Variants in CDC7 observed in about 807,000 individuals in gnomAD.
The protein encoded by CDC7 is cell division cycle 7-related protein kinase.
Under a neutral mutation model 53.5 loss-of-function variants are expected in CDC7, and 34 were observed. That is an observed-to-expected ratio of 0.64 (90% CI 0.48 to 0.85). The LOEUF (loss-of-function observed/expected upper bound fraction) is 0.85. CDC7 is among the 40% of genes least tolerant of loss of function. The probability of loss-of-function intolerance (pLI) is 0.00; values close to 1 mark genes in which losing one functional copy is unlikely to be tolerated. For synonymous variants in CDC7, 211 were observed against 222.8 expected (o/e 0.95, Z 0.47); for missense variants, 594 against 679.7 (o/e 0.87, Z 1.40).
chr1:91,501,965 CAG>C (rs13447463), intron 2 of CDC7, 134 bp downstream of exon 2: 273 of 685,322 alleles, frequency 4.0e-4, no homozygotes, highest in African/African-American at 3.7e-3. Context: ...AGTGTTAAAA[CAG>C]AGCTTCGTAT....
chr1:91,521,167 C>A (rs1667925168), intron 11 of CDC7, among the ~76,000 whole-genome samples: 1 of 152,150 alleles, frequency 6.6e-6, no homozygotes, highest in African/African-American at 2.4e-5. Flanking sequence ...TGGGTCTTAA[C>A]CAGAGTTGCA....
intron 10 of CDC7, among the ~76,000 whole-genome samples, chr1:91,517,275 T>A (rs1667610203): frequency 1.3e-5 from 2 of 151,914 alleles, no homozygotes. Flanking sequence ...TTTTGGAGAG[T>A]GGTGGCATGA....
At chr1:91,516,245 A>T (rs1423946952) in intron 10 of CDC7, among the ~76,000 whole-genome samples, 2 of 152,110 alleles carry the variant, frequency 1.3e-5, no homozygotes, top group African/African-American at 4.8e-5. Flanking sequence ...CAAAGACTTA[A>T]AGCATTTTAT....
chr1:91,517,214 C>G (rs528691403), intron 10 of CDC7, among the ~76,000 whole-genome samples: 1 of 152,246 alleles, frequency 6.6e-6, no homozygotes, highest in South Asian at 2.1e-4. Context: ...AAAAAAGTGA[C>G]AATGGTATAT....
intron 4 of CDC7, among the ~76,000 whole-genome samples, chr1:91,510,285 ATTTT>A (rs889414493): frequency 1.3e-5 from 2 of 149,842 alleles, no homozygotes; most frequent in African/African-American, 4.9e-5. Context: ...AGATTCTCCT[ATTTT>A]TTTTTATTGT....
intron 10 of CDC7, among the ~76,000 whole-genome samples, chr1:91,519,695 A>G (rs1377783165): frequency 6.6e-6 from 1 of 152,234 alleles, no homozygotes; most frequent in Non-Finnish European, 1.5e-5. Flanking sequence ...AGAGCTTCTA[A>G]TGTTCATTAC....
chr1:91,520,913 G>A lies in CDC7; in HGVS notation c.1330+634G>A, dbSNP rs1009413396. Among the ~76,000 whole-genome samples the A allele has an allele frequency of 2.5e-4, 38 of 152,318 alleles. 1 individual carries two copies. Among genetic ancestry groups the A allele is most frequent in the African/African-American group, 8.4e-4 (35 of 41,578 alleles). On this transcript the variant is annotated intron_variant, in intron 11 of 11. Transcript: ENST00000234626. ...TTAGCCACGCAAGTTCTTCAAGACT[G>A]GGATGTGCAGTGTACTTCATAGGGC...
chr1:91,514,912 A>C lies in CDC7; in HGVS notation c.1012A>C (p.Met338Leu). 1 of 1,613,848 alleles carries C rather than the reference A, an allele frequency of 6.2e-7. No homozygotes were observed. Among genetic ancestry groups the C allele is most frequent in the Non-Finnish European group, 8.5e-7 (1 of 1,179,782 alleles). ...TACAAAAGTTATGAATAGTGCTGTG[A>C]TGAGGAAAACTGCCAGTTCTTGCCC... ...ISTKVMNSAV[M>L]RKTASSCPAS... Residue 338 changes from methionine to leucine, a missense_variant, in exon 9 of 12, where the codon ATG becomes CTG. Met to Leu is a conservative substitution (Grantham distance 15, BLOSUM62 2). Coordinates refer to ENST00000234626, the MANE Select transcript of CDC7 (RefSeq NM_003503.4).
intron 6 of CDC7, among the ~76,000 whole-genome samples, chr1:91,512,383 C>A (rs1265773759): frequency 7.2e-6 from 1 of 138,074 alleles, no homozygotes; most frequent in African/African-American, 2.7e-5. Flanking sequence ...GTGGAAATAG[C>A]ATGAACTAAC....
rs938939531 is a variant in CDC7, at chr1:91,508,401, G to A, written c.335+4G>A. 2 of 1,604,550 alleles carry A rather than the reference G, an allele frequency of 1.2e-6. No individual in the cohort carries two copies. Among genetic ancestry groups the A allele is most frequent in the African/African-American group, 1.3e-5 (1 of 74,500 alleles). Reference sequence around the variant, plus strand: ...TTCAGTGCCTAACAGTGGCTGGGTAGGCAATTTAAACATATTTTAATTGAA... The same window carrying A: ...TTCAGTGCCTAACAGTGGCTGGGTAAGCAATTTAAACATATTTTAATTGAA... On this transcript the variant is annotated splice_donor_region_variant and intron_variant, in intron 4 of 11. Coordinates refer to ENST00000234626, the MANE Select transcript of CDC7 (RefSeq NM_003503.4).
chr1:91,507,545 A>C (rs1667055412), intron 2 of CDC7, among the ~76,000 whole-genome samples: 1 of 152,144 alleles, frequency 6.6e-6, no homozygotes. Flanking sequence ...CAAATTGTTT[A>C]GTTATTTTAA....
rs757039130 is a variant in CDC7, at chr1:91,520,126, GC to G, written c.1181-3del. ...TTATTTTTAAAATTTGTCTTCTGTT[GC>G]AGCAATTGACATGTGGTCTGCAGGT... On this transcript the variant is annotated splice_region_variant and splice_polypyrimidine_tract_variant and intron_variant, in intron 10 of 11. Coordinates refer to ENST00000234626, the MANE Select transcript of CDC7 (RefSeq NM_003503.4). 3 of 1,549,066 alleles carry G rather than the reference GC, an allele frequency of 1.9e-6. No homozygotes were observed. Among genetic ancestry groups the G allele is most frequent in the Non-Finnish European group, 2.6e-6 (3 of 1,151,762 alleles).
chr1:91,510,344 C>CAT (rs1667216649), intron 4 of CDC7, among the ~76,000 whole-genome samples: 1 of 151,886 alleles, frequency 6.6e-6, no homozygotes, highest in Admixed American at 6.6e-5. Flanking sequence ...CGTATTCTGT[C>CAT]ATTATAAGTT....
intron 6 of CDC7, among the ~76,000 whole-genome samples, chr1:91,512,232 A>G (rs1475639999): frequency 6.6e-6 from 1 of 152,016 alleles, no homozygotes; most frequent in Non-Finnish European, 1.5e-5. Context: ...TATCTCTTAG[A>G]TATAATATAA....
In CDC7 at chr1:91,524,078, A is replaced by T. The variant is rs139079015; in HGVS notation, c.1368A>T (p.Gln456His). The change falls in exon 12 of 12, where the codon CAA (glutamine) becomes CAT (histidine). Residue 456 changes from glutamine to histidine, a missense_variant. Transcript: ENST00000234626. ...TATGTAGCAAAGAAGTTCCAGCACA[A>T]GACTTGAGAAAACTCTGTGAGAGAC... is the stretch of plus-strand genomic sequence containing the variant. ...SILCSKEVPAQDLRKLCERLR... is the reference protein window; with the variant it reads ...SILCSKEVPAHDLRKLCERLR... 2 of 1,610,130 alleles carry T rather than the reference A, an allele frequency of 1.2e-6. No homozygotes were observed. The highest frequency in any genetic ancestry group is 1.7e-6 in the Non-Finnish European group (2 of 1,177,792).
chr1:91,514,019 T>G lies in CDC7; in HGVS notation c.894T>G (p.Ile298Met). Residue 298 changes from isoleucine to methionine, a missense_variant, in exon 8 of 12, where the codon ATT becomes ATG. Physicochemically the swap from Ile to Met is conservative, Grantham distance 10. Coordinates refer to ENST00000234626, the MANE Select transcript of CDC7 (RefSeq NM_003503.4). Reference sequence around the variant, plus strand: ...GAAATTTCAATATACACAGCTCCATTTCACATGAGAGCCCTGCAGTGAAAG... The same window carrying G: ...GAAATTTCAATATACACAGCTCCATGTCACATGAGAGCCCTGCAGTGAAAG... ...GERNFNIHSS[I>M]SHESPAVKLM... 1 of 1,611,596 alleles carries G rather than the reference T, an allele frequency of 6.2e-7. No homozygotes were observed. Among genetic ancestry groups the G allele is most frequent in the Non-Finnish European group, 8.5e-7 (1 of 1,178,078 alleles).
chr1:91,518,988 G>T (rs1478413719), intron 10 of CDC7, among the ~76,000 whole-genome samples: 2 of 146,936 alleles, frequency 1.4e-5, no homozygotes, highest in East Asian at 4.1e-4. Flanking sequence ...TTGAGCCTGG[G>T]AGGCGGAGGT....
At chr1:91,520,780 G>A (rs1667899392) in intron 11 of CDC7, among the ~76,000 whole-genome samples, 1 of 152,178 alleles carries the variant, frequency 6.6e-6, no homozygotes, top group African/African-American at 2.4e-5. Flanking sequence ...ATGGAAATGT[G>A]TGTTGTCAGG....
Position 91,501,634 on chromosome 1 carries a change from T to G in CDC7, c.-63-20T>G, listed in dbSNP as rs947871056. 1.0e-6 allele frequency: 1 copy of G among 957,928 alleles called. No individual in the cohort carries two copies. Among genetic ancestry groups the G allele is most frequent in the Non-Finnish European group, 1.7e-6 (1 of 599,742 alleles). The allele number at this position is 957,928 out of a possible 1,614,324, so 59.3% of individuals were successfully genotyped here. On this transcript the variant is annotated intron_variant, in intron 1 of 11. Coordinates refer to ENST00000234626, the MANE Select transcript of CDC7 (RefSeq NM_003503.4). ...GTTTAGCGAGTGATCTAAATTTCTC[T>G]AGTGTTCTAATTTTCACAGCTGCTT...
Sources: gnomAD v4.1 joint callset for allele counts (sites outside exome capture counted in the v4.1 genomes callset) on GRCh38, gnomAD v4.1.1 for gene constraint, MANE v1.5 for transcripts, NCBI Gene and HGNC (gene_info 2026-07-23, HGNC 2026-07-21) for gene names.